Variants in SMG7 observed in about 807,000 individuals in gnomAD.
SMG7 encodes the protein nonsense-mediated mRNA decay factor SMG7.
SMG7 carries 34 observed loss-of-function variants against 148.2 expected under a neutral mutation model. The ratio of observed to expected loss-of-function variants is 0.23; its 90% CI spans 0.17 to 0.31. SMG7 has a LOEUF of 0.31. Ranked by LOEUF, SMG7 falls within the 10% of genes least tolerant of loss-of-function variation. The probability of loss-of-function intolerance (pLI) is 1.00; values close to 1 mark genes in which losing one functional copy is unlikely to be tolerated. For synonymous variants in SMG7, 492 were observed against 515.1 expected (o/e 0.96, Z 0.61); for missense variants, 1,114 against 1,408.4 (o/e 0.79, Z 3.35).
chr1:183,498,590 T>A (rs1163367506), intron 1 of SMG7, among the ~76,000 whole-genome samples: 1 of 152,246 alleles, frequency 6.6e-6, no homozygotes, highest in Non-Finnish European at 1.5e-5. Flanking sequence ...GTTACACTCT[T>A]GTTTTCTTTT....
At chr1:183,550,651 G>C in intron 20 of SMG7, 100 bp from the exon 21 acceptor site, 2 of 1,168,240 alleles carry the variant, frequency 1.7e-6, no homozygotes, top group East Asian at 2.4e-5. Context: ...TGTGGTTATT[G>C]TTAGTAGAAT....
chr1:183,537,017 C>T, intron 10 of SMG7, 128 bp from the exon 11 acceptor site: 1 of 625,484 alleles, frequency 1.6e-6, no homozygotes, highest in Non-Finnish European at 2.9e-6. Flanking sequence ...ATTATACAGC[C>T]TTTGAAATGC....
chr1:183,545,923 T>C (rs1156419033), intron 16 of SMG7, 43 bp from the exon 17 acceptor site: 16 of 1,531,420 alleles, frequency 1.0e-5, no homozygotes, highest in South Asian at 1.3e-5. Context: ...ATAAGTAATA[T>C]TGCATTTTAT....
rs1329832186 is a variant in SMG7, at chr1:183,545,278, G to A, written c.2336G>A (p.Gly779Glu). ...QSPTKAVPAL[G>E]KSPPHHSGFQ... ...CCTACAAAAGCTGTGCCGGCTTTGGGGAAAAGCCCGCCTCACCACTCTGGA... is the reference window on the plus strand; with the variant it reads ...CCTACAAAAGCTGTGCCGGCTTTGGAGAAAAGCCCGCCTCACCACTCTGGA... Residue 779 changes from glycine to glutamate, a missense_variant, in exon 16 of 23, where the codon GGG becomes GAG. By Grantham distance (98) the Gly-to-Glu change is moderately conservative. Around this residue, in one of 4 missense-constraint regions of SMG7, gnomAD observed 788 missense variants for 894.5 expected, o/e 0.88. Coordinates refer to ENST00000688051, the MANE Select transcript of SMG7 (RefSeq NM_001375584.1). The A allele has an allele frequency of 6.2e-7, 1 of 1,611,990 alleles. No individual in the cohort carries two copies. Among genetic ancestry groups the A allele is most frequent in the Non-Finnish European group, 8.5e-7 (1 of 1,179,962 alleles).
chr1:183,529,480 A>G lies in SMG7; in HGVS notation c.790A>G (p.Lys264Glu), dbSNP rs1666482961. The change falls in exon 8 of 23, where the codon AAG becomes GAG. Residue 264 changes from lysine (K) to glutamate (E), a missense_variant. Coordinates refer to ENST00000688051, the MANE Select transcript of SMG7 (RefSeq NM_001375584.1). ...IKFHGHVYLS[K>E]SLEKLSPLRE... is the part of the protein sequence containing the mutation. ...ATTCCACGGTCATGTGTACCTGAGT[A>G]AGAGCTTGGAAAAGTTGAGCCCTCT... 6.2e-7 allele frequency: 1 copy of G among 1,613,156 alleles called. No homozygotes were observed. Among genetic ancestry groups the G allele is most frequent in the South Asian group, 1.1e-5 (1 of 91,054 alleles).
intron 1 of SMG7, among the ~76,000 whole-genome samples, chr1:183,490,820 CTG>C (rs1225357087): frequency 6.6e-6 from 1 of 152,208 alleles, no homozygotes; most frequent in Non-Finnish European, 1.5e-5. Flanking sequence ...GAGTCTCACT[CTG>C]TCGCCCAGGT....
intron 14 of SMG7, 100 bp from the exon 15 acceptor site, chr1:183,544,253 A>G (rs1290534181): frequency 2.4e-6 from 2 of 845,978 alleles, no homozygotes; most frequent in Admixed American, 2.3e-5. Flanking sequence ...GTACTTTTTG[A>G]TCTAATGAGG....
intron 1 of SMG7, among the ~76,000 whole-genome samples, chr1:183,481,876 G>A (rs893272528): frequency 3.3e-5 from 5 of 151,998 alleles, no homozygotes; most frequent in African/African-American, 1.2e-4. Context: ...GCCCAGGCTG[G>A]TTTTGAACTC....
chr1:183,485,050 C>T (rs951075169), intron 1 of SMG7, among the ~76,000 whole-genome samples: 1 of 151,984 alleles, frequency 6.6e-6, no homozygotes, highest in African/African-American at 2.4e-5. Flanking sequence ...TATGTTGTGC[C>T]AGACAGTATT....
In SMG7 at chr1:183,551,186, T is replaced by A; in HGVS notation, c.3446T>A (p.Leu1149Gln). The A allele has an allele frequency of 1.3e-6, 2 of 1,565,480 alleles. No homozygotes were observed. The highest frequency in any genetic ancestry group is 1.7e-6 in the Non-Finnish European group (2 of 1,163,290). ...TCCTCTGCTGTCCTCATGGAAAGCC[T>A]AAAGGTGAGTAGATTTCAGGAACAA... The part of the protein sequence containing the change: ...EDSSAVLMES[L>Q]KSIWSSSMMH... The change falls in exon 22 of 23, where the codon CTA (leucine) becomes CAA (glutamine). Residue 1149 changes from leucine to glutamine, a missense_variant. Coordinates refer to ENST00000688051, the MANE Select transcript of SMG7 (RefSeq NM_001375584.1).
chr1:183,486,205 C>T (rs1655373807), intron 1 of SMG7, among the ~76,000 whole-genome samples: 1 of 152,212 alleles, frequency 6.6e-6, no homozygotes, highest in Non-Finnish European at 1.5e-5. Flanking sequence ...ACCATACTGA[C>T]ACCCAGTAAA....
rs992295171 is a variant in SMG7, at chr1:183,527,856, T to A, written c.485-100T>A. ...GTCTTTAATTTTAAATTAACTTTAA[T>A]GTCTTTATTATCTTTAGAACTTAAA... On this transcript the variant is annotated intron_variant, in intron 5 of 22. Transcript: ENST00000688051. The surrounding 1 kb of genome is among the most constrained non-coding windows in gnomAD (Gnocchi z 4.0). The A allele has an allele frequency of 1.4e-5, 10 of 740,576 alleles. No homozygotes were observed. The highest frequency in any genetic ancestry group is 3.6e-5 in the African/African-American group (2 of 55,980). 45.9% of individuals were successfully genotyped at this position (740,576 alleles called of 1,614,324 possible).
In SMG7 at chr1:183,537,227, C is replaced by A. The variant is rs1365742791; in HGVS notation, c.1234+12C>A. 3 of 1,588,082 alleles carry A rather than the reference C, an allele frequency of 1.9e-6. No individual in the cohort carries two copies. ...CTCAAGTATTAGTGGTAAGGGCTAC[C>A]CTAACCTTGTGTTGTTGATGTGGTT... On this transcript the variant is annotated intron_variant, in intron 11 of 22. Coordinates refer to ENST00000688051, the MANE Select transcript of SMG7 (RefSeq NM_001375584.1).
rs777845852 is a variant in SMG7 at position 183,551,964 on chromosome 1, A to G, written c.*33A>G. ...GTGGCAACCTGGGAATGAAGGCTCCATAAACCATGGCATGTTGGGTTTGCA... is the reference window on the plus strand; with the variant it reads ...GTGGCAACCTGGGAATGAAGGCTCCGTAAACCATGGCATGTTGGGTTTGCA... On this transcript the variant is annotated 3_prime_UTR_variant, in exon 23 of 23. Coordinates refer to ENST00000688051, the MANE Select transcript of SMG7 (RefSeq NM_001375584.1). The G allele has an allele frequency of 1.2e-6, 2 of 1,608,834 alleles. No homozygotes were observed. The highest frequency in any genetic ancestry group is 1.1e-5 in the South Asian group (1 of 90,460).
At chr1:183,536,512 T>G (rs1389652575) in intron 10 of SMG7, among the ~76,000 whole-genome samples, 1 of 152,144 alleles carries the variant, frequency 6.6e-6, no homozygotes, top group African/African-American at 2.4e-5. Flanking sequence ...CATACCTCAC[T>G]CAGGAACCAA....
At chr1:183,505,993 C>G (rs1312317558) in intron 1 of SMG7, among the ~76,000 whole-genome samples, 1 of 152,184 alleles carries the variant, frequency 6.6e-6, no homozygotes, top group Non-Finnish European at 1.5e-5. Context: ...ATCTGAACTC[C>G]AAGGCATGTC....
At position 183,553,347 on chromosome 1, in the gene SMG7, G is replaced by C; in HGVS notation, c.*1416G>C. 1 of 882,006 alleles carries C rather than the reference G, an allele frequency of 1.1e-6. No individual in the cohort carries two copies. Among genetic ancestry groups the C allele is most frequent in the Non-Finnish European group, 1.7e-6 (1 of 594,070 alleles). The allele number at this position is 882,006 out of a possible 1,614,324, so 54.6% of individuals were successfully genotyped here. A position where few individuals can be genotyped will look rare whatever the true frequency, so the allele number is the denominator to read the frequency against. On this transcript the variant is annotated 3_prime_UTR_variant, in exon 23 of 23. Coordinates refer to ENST00000688051, the MANE Select transcript of SMG7 (RefSeq NM_001375584.1). ...GAAACAATCTAATTGTTCAATTGCTGTGCTAGTGGTAGGGTTTATTTTCTG... is the reference window on the plus strand; with the variant it reads ...GAAACAATCTAATTGTTCAATTGCTCTGCTAGTGGTAGGGTTTATTTTCTG...
intron 2 of SMG7, among the ~76,000 whole-genome samples, chr1:183,514,167 G>C (rs1350220403): frequency 6.8e-6 from 1 of 146,550 alleles, no homozygotes; most frequent in Non-Finnish European, 1.5e-5. Context: ...ATAGGTACTA[G>C]TGAATCTTAT....
At chr1:183,508,381 T>C (rs1661411074) in intron 1 of SMG7, among the ~76,000 whole-genome samples, 1 of 152,166 alleles carries the variant, frequency 6.6e-6, no homozygotes, top group African/African-American at 2.4e-5. Context: ...TTTGTAGAGA[T>C]GAAGTCTTCC....
Sources: gnomAD v4.1 joint callset for allele counts (sites outside exome capture counted in the v4.1 genomes callset) on GRCh38, gnomAD v4.1.1 for gene constraint, gnomAD v4.1.1 regional missense constraint, Gnocchi (gnomAD v3.1) non-coding constraint, MANE v1.5 for transcripts, NCBI Gene and HGNC (gene_info 2026-07-23, HGNC 2026-07-21) for gene names.